EPRS1: variants seen among roughly 807,000 people sequenced by gnomAD.
EPRS1 encodes the protein bifunctional glutamate/proline--tRNA ligase.
In EPRS1, 107 loss-of-function variants were observed where a neutral mutation model predicts 188.3. That is an observed-to-expected ratio of 0.57 (90% CI 0.49 to 0.67). EPRS1 has a LOEUF of 0.67. EPRS1 is among the 30% of genes least tolerant of loss of function. EPRS1 has a pLI of 0.00. For synonymous variants in EPRS1, 596 were observed against 593.1 expected (o/e 1.00, Z -0.07); for missense variants, 1,577 against 1,802.2 (o/e 0.88, Z 2.26).
At position 219,979,423 on chromosome 1, in the gene EPRS1, C is replaced by T. The variant is rs1311227725; in HGVS notation, c.3904G>A (p.Val1302Ile). 14 of 1,609,844 alleles carry T rather than the reference C, an allele frequency of 8.7e-6. No individual in the cohort carries two copies. Among genetic ancestry groups the T allele is most frequent in the Non-Finnish European group, 1.0e-5 (12 of 1,176,928 alleles). ...AACAGGAATATTTTCCTTACCTGAA[C>T]ACATGCTACACGGGGTGGTAATACT... ...GLVLPPRVACVQVVIIPCGIT... is the reference protein window; with the variant it reads ...GLVLPPRVACIQVVIIPCGIT... Residue 1302 changes from valine (V) to isoleucine (I), a missense_variant, in exon 27 of 32, where the codon GTT (valine) becomes ATT (isoleucine). This residue lies in a region of EPRS1 where 296 missense variants were observed against 327.9 expected (regional missense o/e 0.90). Coordinates refer to ENST00000366923, the MANE Select transcript of EPRS1 (RefSeq NM_004446.3).
Position 220,044,681 on chromosome 1 carries a change from C to CAAAAAAAAAAAAAAAAAAAAAAAAAAAA in EPRS1, c.46+1634_46+1661dup, listed in dbSNP as rs71560597. Among the ~76,000 whole-genome samples the CAAAAAAAAAAAAAAAAAAAAAAAAAAAA allele has an allele frequency of 6.8e-5, 6 of 88,330 alleles. 1 individual carries two copies. The highest frequency in any genetic ancestry group is 2.5e-4 in the African/African-American group (6 of 24,088). The allele number at this position is 88,330 out of a possible 152,430, so 57.9% of individuals were successfully genotyped here. A position where few individuals can be genotyped will look rare whatever the true frequency, so the allele number is the denominator to read the frequency against. ...CAGAGGTTGCAATGAGCTCGGTCTC[C>CAAAAAAAAAAAAAAAAAAAAAAAAAAAA]AAAAAAAAAAAAAAAAAAAAAAAAA... is the stretch of plus-strand genomic sequence containing the variant. On this transcript the variant is annotated intron_variant, in intron 1 of 31. Transcript: ENST00000366923.
At chr1:219,987,576 T>G in intron 19 of EPRS1, among the ~76,000 whole-genome samples, 172 bp from the exon 20 acceptor site, 1 of 151,692 alleles carries the variant, frequency 6.6e-6, no homozygotes, top group African/African-American at 2.4e-5. Flanking sequence ...CATATGAGTG[T>G]GAAAACCCAA....
At chr1:219,985,169 ATC>A (rs1660983522) in intron 20 of EPRS1, among the ~76,000 whole-genome samples, 1 of 152,160 alleles carries the variant, frequency 6.6e-6, no homozygotes, top group South Asian at 2.1e-4. Context: ...CTATGCAGAC[ATC>A]TCTTTTACAA....
At chr1:220,009,068 A>G (rs1331318210) in intron 13 of EPRS1, among the ~76,000 whole-genome samples, 2 of 152,210 alleles carry the variant, frequency 1.3e-5, no homozygotes, top group African/African-American at 4.8e-5. Context: ...AAAATATTCA[A>G]TATGCTTCAG....
Position 220,033,697 on chromosome 1 carries a change from A to G in EPRS1, c.232-39T>C, listed in dbSNP as rs749311709. ...AGACAGAAAAGAAATGCATTCCAAC[A>G]TTTCAACTTATAAAAAGAAAGACCA... On this transcript the variant is annotated intron_variant, in intron 3 of 31. Transcript: ENST00000366923. 3.4e-6 allele frequency: 5 copies of G among 1,473,200 alleles called. No individual in the cohort carries two copies. The South Asian group carries it at 6.0e-5, about 18-fold the overall frequency. The allele number at this position is 1,473,200 out of a possible 1,614,324, so 91.3% of individuals were successfully genotyped here.
chr1:219,974,473 T>C (rs1175229648), intron 28 of EPRS1, among the ~76,000 whole-genome samples: 1 of 152,230 alleles, frequency 6.6e-6, no homozygotes, highest in Non-Finnish European at 1.5e-5. Context: ...CCCAGAACCT[T>C]ATCTGATACA....
intron 13 of EPRS1, among the ~76,000 whole-genome samples, chr1:220,009,045 A>T (rs1612144): frequency 0.86 from 131,480 of 152,192 alleles, 57,222 homozygotes; most frequent in African/African-American, 0.97. Flanking sequence ...TTTATTCTCA[A>T]GATTCAAATT....
chr1:220,013,365 T>C (rs886596246), intron 12 of EPRS1, among the ~76,000 whole-genome samples: 5 of 152,198 alleles, frequency 3.3e-5, no homozygotes, highest in African/African-American at 4.8e-5. Context: ...CGAAGGGATA[T>C]TGAGATAACT....
chr1:220,008,107 CAAAAAAAAAA>C (rs55642831), intron 13 of EPRS1, among the ~76,000 whole-genome samples: 1 of 133,384 alleles, frequency 7.5e-6, no homozygotes, highest in African/African-American at 2.9e-5. Flanking sequence ...ACTCCGTCAC[CAAAAAAAAAA>C]AAAAAAAAAA....
chr1:220,005,436 T>C, intron 15 of EPRS1, 76 bp from the exon 16 acceptor site: 1 of 720,122 alleles, frequency 1.4e-6, no homozygotes, highest in South Asian at 1.8e-5. Context: ...GCAAGCAGTT[T>C]CCACTAACTA....
Position 219,999,658 on chromosome 1 carries a change from T to C in EPRS1, c.2181+1480A>G, listed in dbSNP as rs564204296. ...AGCCAACACCAATATCAACTTGGCA[T>C]CCAGGTGAGGAAACAATTTTAGAAT... On this transcript the variant is annotated intron_variant, in intron 17 of 31. Transcript: ENST00000366923. Among the ~76,000 whole-genome samples the C allele has an allele frequency of 3.3e-5, 5 of 152,192 alleles. No individual in the cohort carries two copies. In the East Asian group the frequency reaches 7.7e-4, roughly 24 times the overall value.
chr1:220,010,914 G>T, intron 13 of EPRS1, 32 bp downstream of exon 13: 2 of 1,262,362 alleles, frequency 1.6e-6, no homozygotes, highest in South Asian at 2.4e-5. Context: ...TTTTAACAGA[G>T]AGAAACACAT....
chr1:219,982,485 AATT>A (rs1660917950), intron 23 of EPRS1: 2 of 244,222 alleles, frequency 8.2e-6, no homozygotes, highest in East Asian at 1.7e-4. Context: ...CAACAATAAA[AATT>A]ATTCTAAGAA....
rs762534276 is a variant in EPRS1, at chr1:220,024,250, A to T, written c.943+14T>A. 6 of 1,517,864 alleles carry T rather than the reference A, an allele frequency of 4.0e-6. No homozygotes were observed. The East Asian group carries it at 1.4e-4, about 35-fold the overall frequency. The allele number at this position is 1,517,864 out of a possible 1,614,324, so 94.0% of individuals were successfully genotyped here. A position where few individuals can be genotyped will look rare whatever the true frequency, so the allele number is the denominator to read the frequency against. ...ATAAGAATATCAATTAAAATATAAAACAATGTGGCTTACGGTTTTTTCTAT... is the reference window on the plus strand; with the variant it reads ...ATAAGAATATCAATTAAAATATAAATCAATGTGGCTTACGGTTTTTTCTAT... On this transcript the variant is annotated intron_variant, in intron 8 of 31. Coordinates refer to ENST00000366923, the MANE Select transcript of EPRS1 (RefSeq NM_004446.3).
intron 23 of EPRS1, 40 bp from the exon 24 acceptor site, chr1:219,981,497 T>C: frequency 7.6e-7 from 1 of 1,321,820 alleles, no homozygotes; most frequent in Non-Finnish European, 1.1e-6. Context: ...ATTTAAGGCT[T>C]TATTTCTCCT....
At chr1:219,985,995 T>C (rs1002344728) in intron 20 of EPRS1, among the ~76,000 whole-genome samples, 1 of 152,190 alleles carries the variant, frequency 6.6e-6, no homozygotes, top group African/African-American at 2.4e-5. Flanking sequence ...AGGTGAGAAG[T>C]TCTACATTCT....
Position 219,980,254 on chromosome 1 carries a change from A to C in EPRS1, c.3556-14T>G. On this transcript the variant is annotated splice_polypyrimidine_tract_variant and intron_variant, in intron 25 of 31. Coordinates refer to ENST00000366923, the MANE Select transcript of EPRS1 (RefSeq NM_004446.3). ...TATCTGCAAGACCTGTAACATTTTA[A>C]ATGTAAATGTGTTCAAATTTAGGGT... is the stretch of plus-strand genomic sequence containing the variant. 6.3e-7 allele frequency: 1 copy of C among 1,598,764 alleles called. No individual in the cohort carries two copies. Among genetic ancestry groups the C allele is most frequent in the South Asian group, 1.1e-5 (1 of 90,132 alleles).
At chr1:220,026,813 C>T (rs1243976566) in intron 6 of EPRS1, among the ~76,000 whole-genome samples, 1 of 151,740 alleles carries the variant, frequency 6.6e-6, no homozygotes, top group Non-Finnish European at 1.5e-5. Flanking sequence ...AAGATAGTTA[C>T]CTGGTTTCCC....
At position 220,001,263 on chromosome 1, in the gene EPRS1, G is replaced by T; in HGVS notation, c.2064-8C>A. The T allele has an allele frequency of 1.3e-6, 2 of 1,502,432 alleles. No homozygotes were observed. The highest frequency in any genetic ancestry group is 9.3e-7 in the Non-Finnish European group (1 of 1,078,636). The allele number at this position is 1,502,432 out of a possible 1,614,324, so 93.1% of individuals were successfully genotyped here. ...TCCTTGCAACTATATGGGCTAAAAA[G>T]AAAATAAAGGGACAAAATAGTTTAT... On this transcript the variant is annotated splice_polypyrimidine_tract_variant and splice_region_variant and intron_variant, in intron 16 of 31. Transcript: ENST00000366923.
Sources: gnomAD v4.1 joint callset for allele counts (sites outside exome capture counted in the v4.1 genomes callset) on GRCh38, gnomAD v4.1.1 for gene constraint, gnomAD v4.1.1 regional missense constraint, MANE v1.5 for transcripts, NCBI Gene and HGNC (gene_info 2026-07-23, HGNC 2026-07-21) for gene names.